Variants in PRKN observed in about 807,000 individuals in gnomAD.
PRKN encodes E3 ubiquitin-protein ligase parkin.
Under a neutral mutation model 59.5 loss-of-function variants are expected in PRKN, and 56 were observed. The observed-to-expected ratio is 0.94, with a 90% CI of 0.76 to 1.18. The LOEUF (loss-of-function observed/expected upper bound fraction) is 1.18, where lower values mean the gene tolerates loss of function less well. PRKN is among the 50% of genes most tolerant of loss of function. The probability of loss-of-function intolerance (pLI) is 0.00; values close to 1 mark genes in which losing one functional copy is unlikely to be tolerated. For synonymous variants in PRKN, 250 were observed against 222.1 expected (o/e 1.13, Z -1.12); for missense variants, 657 against 596.4 (o/e 1.10, Z -1.06).
intron 7 of PRKN, among the ~76,000 whole-genome samples, chr6:161,753,682 G>A (rs867027815): frequency 5.9e-5 from 9 of 152,160 alleles, no homozygotes; most frequent in Admixed American, 2.6e-4. Context: ...AACCCCGAGT[G>A]GGGGAGCCCA....
chr6:161,597,912 T>G (rs746619539), intron 7 of PRKN, among the ~76,000 whole-genome samples: 1 of 152,218 alleles, frequency 6.6e-6, no homozygotes, highest in Non-Finnish European at 1.5e-5. Context: ...GGGTAGTTCA[T>G]GTACCTACTT....
At chr6:162,129,046 G>A (rs1190510188) in intron 4 of PRKN, among the ~76,000 whole-genome samples, 1 of 152,140 alleles carries the variant, frequency 6.6e-6, no homozygotes, top group African/African-American at 2.4e-5. Context: ...CCAACATTTT[G>A]AGAATCATCT....
chr6:162,125,623 C>T lies in PRKN; in HGVS notation c.535-71449G>A, dbSNP rs564388823. On this transcript the variant is annotated intron_variant, in intron 4 of 11. Coordinates refer to ENST00000366898, the MANE Select transcript of PRKN (RefSeq NM_004562.3). ...TTTACCCACCCAACTACTCACAACC[C>T]GTCACTTATACACAAACAAATAGTC... Among the ~76,000 whole-genome samples the T allele has an allele frequency of 4.0e-4, 61 of 152,250 alleles. No individual in the cohort carries two copies. The South Asian group carries it at 6.6e-3, about 17-fold the overall frequency.
rs555885239 is a variant in PRKN, at chr6:162,009,064, C to T, written c.619-35647G>A. 3.3e-5 allele frequency among the ~76,000 whole-genome samples: 5 copies of T among 151,882 alleles called. 1 individual carries two copies. The highest frequency in any genetic ancestry group is 4.2e-4 in the South Asian group (2 of 4,804). On this transcript the variant is annotated intron_variant, in intron 5 of 11. Coordinates refer to ENST00000366898, the MANE Select transcript of PRKN (RefSeq NM_004562.3). ...GGTCAGGAGTTCAAGACCATCCTGG[C>T]CAACACGGTGAAACCCCGTCTTTAC...
At chr6:161,350,250 G>T in intron 11 of PRKN, 39 bp from the exon 12 acceptor site, 1 of 1,428,772 alleles carries the variant, frequency 7.0e-7, no homozygotes, top group Non-Finnish European at 9.8e-7. Flanking sequence ...TGGGTTCGCA[G>T]CAAGTACCTG....
At chr6:162,086,157 A>C (rs1312712047) in intron 4 of PRKN, among the ~76,000 whole-genome samples, 1 of 152,156 alleles carries the variant, frequency 6.6e-6, no homozygotes. Flanking sequence ...CCTATTAACA[A>C]ATGATTCTTT....
intron 7 of PRKN, among the ~76,000 whole-genome samples, chr6:161,659,214 G>A (rs1225449616): frequency 6.6e-6 from 1 of 152,100 alleles, no homozygotes; most frequent in Non-Finnish European, 1.5e-5. Context: ...AGTATTCCAG[G>A]GCATTGAGAT....
intron 1 of PRKN, among the ~76,000 whole-genome samples, chr6:162,701,957 T>C (rs1218120477): frequency 6.6e-6 from 1 of 151,848 alleles, no homozygotes; most frequent in Non-Finnish European, 1.5e-5. Flanking sequence ...ATGAATAAAA[T>C]GTTTCCCTGT....
In PRKN at chr6:161,588,306, G is replaced by C. The variant is rs1247430196; in HGVS notation, c.872-18890C>G. Reference sequence around the variant, plus strand: ...GGCTGAGGCAGGAGAATTGCCTCAGGAGGAGGCAGGTTGTGGTGAGCCGAA... The same window carrying C: ...GGCTGAGGCAGGAGAATTGCCTCAGCAGGAGGCAGGTTGTGGTGAGCCGAA... On this transcript the variant is annotated intron_variant, in intron 7 of 11. Transcript: ENST00000366898. The surrounding 1 kb of genome is among the most constrained non-coding windows in gnomAD (Gnocchi z 5.0). Among the ~76,000 whole-genome samples, 5 of 151,986 alleles carry C rather than the reference G, an allele frequency of 3.3e-5. No individual in the cohort carries two copies. The highest frequency in any genetic ancestry group is 1.5e-5 in the Non-Finnish European group (1 of 68,010).
At chr6:162,270,330 T>A (rs747559244) in intron 2 of PRKN, 1 of 151,944 alleles carries the variant, frequency 6.6e-6, no homozygotes, top group Non-Finnish European at 1.5e-5. Flanking sequence ...CACAAAGACA[T>A]AAGCATGATA....
At chr6:161,991,179 C>G (rs531353691) in intron 5 of PRKN, among the ~76,000 whole-genome samples, 31 of 152,286 alleles carry the variant, frequency 2.0e-4, no homozygotes, top group African/African-American at 7.0e-4. Flanking sequence ...GAAATTAAGT[C>G]TTTCCCAGAC....
At chr6:161,809,609 T>A (rs961066542) in intron 6 of PRKN, among the ~76,000 whole-genome samples, 1 of 152,240 alleles carries the variant, frequency 6.6e-6, no homozygotes, top group Non-Finnish European at 1.5e-5. Flanking sequence ...TTATTTAACA[T>A]GTAAGTCACC....
chr6:162,096,693 TG>T (rs1779750146), intron 4 of PRKN, among the ~76,000 whole-genome samples: 2 of 152,192 alleles, frequency 1.3e-5, no homozygotes, highest in Admixed American at 1.3e-4. Context: ...CCTGCCGCCA[TG>T]TAAGATGTGC....
intron 10 of PRKN, among the ~76,000 whole-genome samples, chr6:161,367,655 C>T (rs1186240977): frequency 3.3e-5 from 5 of 152,158 alleles, no homozygotes; most frequent in Non-Finnish European, 7.3e-5. Context: ...TCTGATGACT[C>T]AGACCTCGGC....
At chr6:162,650,597 CAA>C (rs142452684) in intron 1 of PRKN, among the ~76,000 whole-genome samples, 6 of 95,362 alleles carry the variant, frequency 6.3e-5, no homozygotes, top group South Asian at 3.8e-4. Flanking sequence ...GACTCCGTCT[CAA>C]AAAAAAAAAA....
chr6:161,912,192 A>C (rs1007977428), intron 6 of PRKN, among the ~76,000 whole-genome samples: 1 of 151,706 alleles, frequency 6.6e-6, no homozygotes, highest in African/African-American at 2.4e-5. Flanking sequence ...AAAAAAAAAA[A>C]AGTTGGATGA....
At chr6:162,596,892 C>T (rs1187320823) in intron 1 of PRKN, among the ~76,000 whole-genome samples, 3 of 152,086 alleles carry the variant, frequency 2.0e-5, no homozygotes, top group Non-Finnish European at 4.4e-5. Context: ...ATGGGGAATC[C>T]GATCCCCGCC....
intron 3 of PRKN, among the ~76,000 whole-genome samples, chr6:162,204,443 A>T (rs1784851142): frequency 6.6e-6 from 1 of 152,148 alleles, no homozygotes; most frequent in Admixed American, 6.5e-5. Context: ...ATCGTGTGAC[A>T]CTGTACTTCT....
At chr6:161,845,840 T>G (rs1279249290) in intron 6 of PRKN, among the ~76,000 whole-genome samples, 2 of 152,184 alleles carry the variant, frequency 1.3e-5, no homozygotes, top group Non-Finnish European at 2.9e-5. Context: ...TGGTATTCAC[T>G]GAGTCTGTCG....
Sources: allele counts gnomAD v4.1 joint callset (sites outside exome capture counted in the v4.1 genomes callset), GRCh38; gene constraint gnomAD v4.1.1; non-coding constraint Gnocchi (gnomAD v3.1); transcripts MANE v1.5; gene names NCBI Gene and HGNC (gene_info 2026-07-23, HGNC 2026-07-21).